WFDC3: variants seen among roughly 807,000 people sequenced by gnomAD.
WFDC3 encodes WAP four-disulfide core domain protein 3.
In WFDC3, 15 loss-of-function variants were observed where a neutral mutation model predicts 25.8. The ratio of observed to expected loss-of-function variants is 0.58; its 90% CI spans 0.39 to 0.89. WFDC3 has a LOEUF of 0.89. Ranked by LOEUF, WFDC3 falls within the 40% of genes least tolerant of loss-of-function variation. The pLI is 0.00. For synonymous variants in WFDC3, 103 were observed against 107.1 expected, an observed-to-expected ratio of 0.96 and a Z score of 0.24; for missense variants, 264 against 289.8, an observed-to-expected ratio of 0.91 and a Z score of 0.65.
At chr20:45,791,560 G>T (rs957369499) in intron 1 of WFDC3, among the ~76,000 whole-genome samples, 2 of 152,130 alleles carry the variant, frequency 1.3e-5, no homozygotes, top group African/African-American at 2.4e-5. Context: ...GCCTCCCAAA[G>T]TGCTGGGATT....
chr20:45,776,029 C>T (rs2145680519), intron 5 of WFDC3, among the ~76,000 whole-genome samples: 1 of 152,258 alleles, frequency 6.6e-6, no homozygotes, highest in Non-Finnish European at 1.5e-5. Context: ...CTGTATGCTT[C>T]CTCTCATCAA....
At chr20:45,791,430 G>A (rs1378514262) in intron 1 of WFDC3, among the ~76,000 whole-genome samples, 2 of 151,332 alleles carry the variant, frequency 1.3e-5, no homozygotes, top group African/African-American at 4.9e-5. Flanking sequence ...CCGAGTAGCT[G>A]GGATTACAGG....
At chr20:45,788,897 G>A in intron 3 of WFDC3, 34 bp downstream of exon 3, 2 of 1,588,642 alleles carry the variant, frequency 1.3e-6, no homozygotes, top group Non-Finnish European at 1.7e-6. Flanking sequence ...ATGTCAGAGA[G>A]TATGCCCAGA....
chr20:45,778,049 C>T (rs2145682655), intron 4 of WFDC3, among the ~76,000 whole-genome samples: 1 of 152,318 alleles, frequency 6.6e-6, no homozygotes. Flanking sequence ...GACCATCTGA[C>T]TTGCTTTGAC....
chr20:45,791,421 C>T (rs939288996), intron 1 of WFDC3, among the ~76,000 whole-genome samples: 2 of 151,300 alleles, frequency 1.3e-5, no homozygotes, highest in African/African-American at 2.4e-5. Context: ...CTCAGCCTCC[C>T]GAGTAGCTGG....
chr20:45,775,435 T>A lies in WFDC3; in HGVS notation c.661A>T (p.Arg221Trp). 1 of 1,614,180 alleles carries A rather than the reference T, an allele frequency of 6.2e-7. No homozygotes were observed. Among genetic ancestry groups the A allele is most frequent in the South Asian group, 1.1e-5 (1 of 91,076 alleles). Residue 221 changes from arginine (R) to tryptophan (W), a missense_variant, in exon 6 of 7, where the codon AGG becomes TGG. Transcript: ENST00000243938. Reference sequence around the variant, plus strand: ...TACTCACCTAATTCGGAATCAGACCTCACAGTCCAGTTGGGGTTCATGGTC... The same window carrying A: ...TACTCACCTAATTCGGAATCAGACCACACAGTCCAGTTGGGGTTCATGGTC... The part of the protein sequence containing the change: ...KLTMNPNWTV[R>W]SDSELEIPVP
At position 45,789,005 on chromosome 20, in the gene WFDC3, C is replaced by T. The variant is rs779338495; in HGVS notation, c.137G>A (p.Gly46Asp). Residue 46 changes from glycine (G) to aspartate (D), a missense_variant, in exon 3 of 7, where the codon GGT becomes GAT. Gly to Asp is a moderately conservative substitution (Grantham distance 94, BLOSUM62 -1). Transcript: ENST00000243938. ...HKNPCKELCQ[G>D]DELCPAEQKC... ...CTGTTCAGCCGGACACAATTCATCA[C>T]CCTGGCACAGCTCTTTGCATGGGTT... is the stretch of plus-strand genomic sequence containing the variant. 1.1e-5 allele frequency: 17 copies of T among 1,613,790 alleles called. No homozygotes were observed. Among genetic ancestry groups the T allele is most frequent in the Non-Finnish European group, 1.3e-5 (15 of 1,179,932 alleles).
intron 4 of WFDC3, among the ~76,000 whole-genome samples, chr20:45,783,229 G>A (rs925180534): frequency 4.1e-4 from 63 of 152,174 alleles, no homozygotes; most frequent in African/African-American, 1.4e-3. Context: ...TGGGGAGGCA[G>A]AGAAGGGGCG....
At chr20:45,776,634 AAATATATAT>A (rs1262909617) in intron 5 of WFDC3, among the ~76,000 whole-genome samples, 5 of 68,816 alleles carry the variant, frequency 7.3e-5, no homozygotes, top group East Asian at 5.6e-4. Flanking sequence ...AAAAAAAAAA[AAATATATAT>A]ATATATATAT....
At chr20:45,785,033 G>A (rs948093283) in intron 4 of WFDC3, among the ~76,000 whole-genome samples, 2 of 152,146 alleles carry the variant, frequency 1.3e-5, no homozygotes, top group Non-Finnish European at 2.9e-5. Flanking sequence ...AATGATTCCA[G>A]TTCCTTTAGA....
intron 1 of WFDC3, chr20:45,791,003 C>G (rs546949971): frequency 8.8e-5 from 41 of 463,366 alleles, no homozygotes; most frequent in African/African-American, 7.8e-4. Context: ...AGCTGTGATA[C>G]CTAATGGTGT....
At chr20:45,777,300 A>G in intron 4 of WFDC3, 91 bp from the exon 5 acceptor site, 1 of 1,201,500 alleles carries the variant, frequency 8.3e-7, no homozygotes, top group African/African-American at 1.6e-5. Context: ...ATATAGTTAT[A>G]TATTTATATA....
At chr20:45,788,313 A>AAG (rs1555813962) in intron 3 of WFDC3, 18 of 169,376 alleles carry the variant, frequency 1.1e-4, no homozygotes, top group Non-Finnish European at 1.8e-4. Flanking sequence ...TCAAAAAAAA[A>AAG]AGAGAGAGAG....
At position 45,774,348 on chromosome 20, in the gene WFDC3, A is replaced by G; in HGVS notation, c.*80T>C. The G allele has an allele frequency of 1.9e-6, 3 of 1,599,730 alleles. No homozygotes were observed. The highest frequency in any genetic ancestry group is 2.6e-6 in the Non-Finnish European group (3 of 1,167,120). On this transcript the variant is annotated 3_prime_UTR_variant, in exon 7 of 7. Transcript: ENST00000243938. ...CATGAGTGCCCCTGGAAATGTCACA[A>G]GCCCCAGGATGTCACCCTCTCTTGA...
intron 5 of WFDC3, among the ~76,000 whole-genome samples, chr20:45,776,372 C>T (rs1980157051): frequency 6.9e-6 from 1 of 144,190 alleles, no homozygotes; most frequent in Non-Finnish European, 1.5e-5. Context: ...CTTTGGGAGG[C>T]CGAGACAGGC....
chr20:45,785,026 G>A (rs533348401), intron 4 of WFDC3, among the ~76,000 whole-genome samples: 30 of 152,168 alleles, frequency 2.0e-4, no homozygotes, highest in Non-Finnish European at 3.7e-4. Context: ...ATAAGAGAAT[G>A]ATTCCAGTTC....
chr20:45,788,095 G>C, intron 3 of WFDC3, 113 bp from the exon 4 acceptor site: 1 of 1,170,764 alleles, frequency 8.5e-7, no homozygotes, highest in Non-Finnish European at 1.2e-6. Flanking sequence ...CCTGAGGTAG[G>C]GAGTTCGAGA....
intron 4 of WFDC3, among the ~76,000 whole-genome samples, chr20:45,781,180 C>A (rs1980428608): frequency 6.6e-6 from 1 of 150,564 alleles, no homozygotes; most frequent in African/African-American, 2.4e-5. Flanking sequence ...ACCTGGGAGG[C>A]AGAGGTTGCA....
intron 4 of WFDC3, among the ~76,000 whole-genome samples, chr20:45,785,494 A>G (rs1294266218): frequency 2.0e-5 from 3 of 151,526 alleles, no homozygotes; most frequent in Non-Finnish European, 4.4e-5. Context: ...TTTCAGTACC[A>G]TAAAACAGGG....
Sources: gnomAD v4.1 joint callset for allele counts (sites outside exome capture counted in the v4.1 genomes callset) on GRCh38, gnomAD v4.1.1 for gene constraint, MANE v1.5 for transcripts, NCBI Gene and HGNC (gene_info 2026-07-23, HGNC 2026-07-21) for gene names.